Variants in PLLP observed in about 807,000 individuals in gnomAD.
The protein encoded by PLLP is plasmolipin, also known as plasma membrane proteolipid (plasmolipin).
PLLP carries 15 observed loss-of-function variants against 19.7 expected under a neutral mutation model. The observed-to-expected ratio is 0.76, with a 90% confidence interval of 0.51 to 1.17. The LOEUF (loss-of-function observed/expected upper bound fraction) is 1.17, where lower values mean the gene tolerates loss of function less well. Among genes scored for constraint, PLLP ranks in the 50% most tolerant of loss-of-function variants. The pLI is 0.00. For missense variants in PLLP, 255 were observed against 258.3 expected (o/e 0.99, Z 0.09); for synonymous variants, 111 against 116.3 (o/e 0.95, Z 0.29).
intron 1 of PLLP, among the ~76,000 whole-genome samples, chr16:57,277,397 C>G: frequency 6.6e-6 from 1 of 152,160 alleles, no homozygotes; most frequent in East Asian, 1.9e-4. Context: ...TGAGACCAGC[C>G]TGATCAACAT....
At chr16:57,268,216 C>T (rs1194408274) in intron 1 of PLLP, among the ~76,000 whole-genome samples, 1 of 152,198 alleles carries the variant, frequency 6.6e-6, no homozygotes, top group East Asian at 1.9e-4. Context: ...ATATTTCTGC[C>T]ACCCAGTTTG....
chr16:57,262,950 T>A (rs2075446436), intron 1 of PLLP, among the ~76,000 whole-genome samples: 1 of 152,034 alleles, frequency 6.6e-6, no homozygotes, highest in South Asian at 2.1e-4. Flanking sequence ...AATCGTTCCC[T>A]TCCCCAGACT....
chr16:57,271,313 C>CT (rs545792485), intron 1 of PLLP, among the ~76,000 whole-genome samples: 139 of 152,206 alleles, frequency 9.1e-4, no homozygotes, highest in African/African-American at 3.2e-3. Context: ...CCACTACCAC[C>CT]TTATCCTTGC....
chr16:57,280,267 A>G (rs1233918303), intron 1 of PLLP, among the ~76,000 whole-genome samples: 1 of 152,206 alleles, frequency 6.6e-6, no homozygotes, highest in Non-Finnish European at 1.5e-5. Flanking sequence ...GTGACCTTGG[A>G]CAAGTTCCTC....
intron 1 of PLLP, among the ~76,000 whole-genome samples, chr16:57,279,901 C>T (rs1005264886): frequency 2.6e-4 from 39 of 152,344 alleles, no homozygotes; most frequent in African/African-American, 9.1e-4. Context: ...TGGCCACCCC[C>T]AATCCCAGGA....
chr16:57,277,528 T>C (rs571678591), intron 1 of PLLP, among the ~76,000 whole-genome samples: 20 of 152,100 alleles, frequency 1.3e-4, no homozygotes, highest in Admixed American at 5.2e-4. Context: ...GAGGCAGAGG[T>C]TGCAGTGAGC....
intron 3 of PLLP, among the ~76,000 whole-genome samples, chr16:57,257,356 G>C (rs1299259668): frequency 1.3e-5 from 2 of 152,158 alleles, no homozygotes; most frequent in Admixed American, 6.5e-5. Flanking sequence ...GACACCCTAG[G>C]AATCTCCTAG....
intron 2 of PLLP, among the ~76,000 whole-genome samples, chr16:57,260,938 T>C (rs1241097504): frequency 2.6e-5 from 4 of 152,218 alleles, no homozygotes; most frequent in African/African-American, 9.6e-5. Context: ...TGGGCCAAGC[T>C]ACAATCTCAC....
chr16:57,279,985 C>T (rs1901199545), intron 1 of PLLP, among the ~76,000 whole-genome samples: 1 of 152,268 alleles, frequency 6.6e-6, no homozygotes, highest in Admixed American at 6.5e-5. Context: ...ACACAGCTTC[C>T]ACATCCTGGG....
chr16:57,273,620 A>G (rs1901108002), intron 1 of PLLP, among the ~76,000 whole-genome samples: 1 of 152,158 alleles, frequency 6.6e-6, no homozygotes, highest in Non-Finnish European at 1.5e-5. Flanking sequence ...CCAGGTTCCC[A>G]ATTACCATGG....
chr16:57,273,767 T>A (rs1901114128), intron 1 of PLLP, among the ~76,000 whole-genome samples: 1 of 152,130 alleles, frequency 6.6e-6, no homozygotes, highest in African/African-American at 2.4e-5. Flanking sequence ...CCCTGCCAGG[T>A]CAACAGCAAC....
At chr16:57,259,991 A>G (rs1190561604) in intron 2 of PLLP, among the ~76,000 whole-genome samples, 1 of 152,030 alleles carries the variant, frequency 6.6e-6, no homozygotes, top group Non-Finnish European at 1.5e-5. Context: ...AAAAAAAAAA[A>G]AAACTTAGGA....
intron 1 of PLLP, among the ~76,000 whole-genome samples, chr16:57,282,401 C>A (rs1330098871): frequency 6.6e-6 from 1 of 151,674 alleles, no homozygotes; most frequent in Non-Finnish European, 1.5e-5. Context: ...TACCACCATG[C>A]CTGGCTATTT....
At chr16:57,265,245 G>A (rs557603786) in intron 1 of PLLP, among the ~76,000 whole-genome samples, 2 of 152,368 alleles carry the variant, frequency 1.3e-5, no homozygotes, top group Admixed American at 1.3e-4. Flanking sequence ...CCCAGGGCAG[G>A]ATGTCTCAGA....
At chr16:57,273,337 T>G (rs1901103934) in intron 1 of PLLP, among the ~76,000 whole-genome samples, 1 of 152,058 alleles carries the variant, frequency 6.6e-6, no homozygotes, top group Non-Finnish European at 1.5e-5. Context: ...AAAGCTCATC[T>G]GGTGTCTGAC....
chr16:57,273,339 G>C (rs1478359000), intron 1 of PLLP, among the ~76,000 whole-genome samples: 1 of 152,064 alleles, frequency 6.6e-6, no homozygotes, highest in Non-Finnish European at 1.5e-5. Context: ...AGCTCATCTG[G>C]TGTCTGACCC....
rs370327114 is a variant in PLLP, at chr16:57,273,798, T to C, written c.135+10608A>G. Among the ~76,000 whole-genome samples the C allele has an allele frequency of 6.6e-5, 10 of 152,324 alleles. No individual in the cohort carries two copies. In the East Asian group the frequency reaches 1.9e-3, roughly 29 times the overall value. On this transcript the variant is annotated intron_variant, in intron 1 of 3. Coordinates refer to ENST00000219207, the MANE Select transcript of PLLP (RefSeq NM_015993.3). ...GCAACAGCAACAGCCTGGGAGACTT[T>C]ATCCCAGTACCCTGTTCTCCTTCCA...
At position 57,258,551 on chromosome 16, in the gene PLLP, A is replaced by G; in HGVS notation, c.343T>C (p.Tyr115His). 1 of 1,613,478 alleles carries G rather than the reference A, an allele frequency of 6.2e-7. No homozygotes were observed. Among genetic ancestry groups the G allele is most frequent in the Non-Finnish European group, 8.5e-7 (1 of 1,179,914 alleles). Residue 115 changes from tyrosine (Y) to histidine (H), a missense_variant, in exon 3 of 4, where the codon TAC becomes CAC. Coordinates refer to ENST00000219207, the MANE Select transcript of PLLP (RefSeq NM_015993.3). ...GAGCAGGCGATGAAGGCGGTGATGT[A>G]GAGAACGGTGGCGCTGATGTTAAAG... is the stretch of plus-strand genomic sequence containing the variant. ...MIFNISATVL[Y>H]ITAFIACSAA...
intron 1 of PLLP, among the ~76,000 whole-genome samples, chr16:57,283,805 G>C (rs1901247708): frequency 6.6e-6 from 1 of 152,224 alleles, no homozygotes; most frequent in African/African-American, 2.4e-5. Context: ...AAAGCTAGAA[G>C]AGCCCGGCTC....
Sources: gnomAD v4.1 joint callset for allele counts (sites outside exome capture counted in the v4.1 genomes callset) on GRCh38, gnomAD v4.1.1 for gene constraint, MANE v1.5 for transcripts, NCBI Gene and HGNC (gene_info 2026-07-23, HGNC 2026-07-21) for gene names.